FYN: variants seen among roughly 807,000 people sequenced by gnomAD.
FYN encodes tyrosine-protein kinase Fyn.
Under a neutral mutation model 70.2 loss-of-function variants are expected in FYN, and 10 were observed. The ratio of observed to expected loss-of-function variants is 0.14; its 90% CI spans 0.09 to 0.24. FYN has a LOEUF of 0.24. FYN is among the 10% of genes least tolerant of loss of function. The pLI is 1.00. For synonymous variants in FYN, 236 were observed against 248.6 expected (o/e 0.95, Z 0.48); for missense variants, 319 against 673.1 (o/e 0.47, Z 5.82).
intron 2 of FYN, chr6:111,818,473 G>C (rs1772557707): frequency 6.6e-6 from 1 of 152,208 alleles, no homozygotes; most frequent in Non-Finnish European, 1.5e-5. Context: ...TGAGCTCTGA[G>C]TTATGTTTTC....
intron 1 of FYN, among the ~76,000 whole-genome samples, chr6:111,856,811 T>C (rs1773834499): frequency 6.6e-6 from 1 of 152,056 alleles, no homozygotes; most frequent in African/African-American, 2.4e-5. Flanking sequence ...GTCACAATAA[T>C]TTTCTGGTGA....
intron 12 of FYN, among the ~76,000 whole-genome samples, chr6:111,693,808 G>A (rs1799456107): frequency 6.6e-6 from 1 of 152,080 alleles, no homozygotes; most frequent in African/African-American, 2.4e-5. Context: ...ACCCAGAAGT[G>A]GGCTAGAGTG....
intron 12 of FYN, among the ~76,000 whole-genome samples, chr6:111,676,714 T>A (rs1414055103): frequency 2.0e-5 from 3 of 152,224 alleles, no homozygotes; most frequent in African/African-American, 4.8e-5. Flanking sequence ...TCTCTGACCA[T>A]CTCTGAAGTA....
At chr6:111,680,627 C>A (rs1364759024) in intron 12 of FYN, among the ~76,000 whole-genome samples, 2 of 152,180 alleles carry the variant, frequency 1.3e-5, no homozygotes, top group South Asian at 2.1e-4. Flanking sequence ...TCAAAAGCAT[C>A]GTGACATTTC....
Position 111,738,819 on chromosome 6 carries a change from G to C in FYN, c.-11-18757C>G, listed in dbSNP as rs1374107135. 3.9e-5 allele frequency among the ~76,000 whole-genome samples: 6 copies of C among 152,184 alleles called. No individual in the cohort carries two copies. In the East Asian group the frequency reaches 7.7e-4, roughly 20 times the overall value. On this transcript the variant is annotated intron_variant, in intron 3 of 13. Transcript: ENST00000354650. ...ACACTGAGGGGTGAGCCCTGTGAAG[G>C]CTGGCCTTTATTAAGCAATACTTTC...
chr6:111,840,914 T>C (rs1275383620), intron 2 of FYN, among the ~76,000 whole-genome samples: 2 of 152,228 alleles, frequency 1.3e-5, no homozygotes, highest in African/African-American at 2.4e-5. Context: ...AAACAAATTA[T>C]GCAGTATCTC....
At chr6:111,769,483 G>T (rs1207179876) in intron 3 of FYN, among the ~76,000 whole-genome samples, 1 of 152,124 alleles carries the variant, frequency 6.6e-6, no homozygotes, top group Non-Finnish European at 1.5e-5. Context: ...ACATTTAGTG[G>T]AAATGGAATC....
intron 2 of FYN, among the ~76,000 whole-genome samples, chr6:111,830,265 G>A (rs1772973717): frequency 6.6e-6 from 1 of 152,304 alleles, no homozygotes; most frequent in South Asian, 2.1e-4. Context: ...CAGCAGTACA[G>A]GAAGATGGGA....
intron 1 of FYN, among the ~76,000 whole-genome samples, chr6:111,860,012 T>C (rs554480969): frequency 6.6e-6 from 1 of 151,996 alleles, no homozygotes; most frequent in Admixed American, 6.5e-5. Context: ...TGTAGTGACA[T>C]GCCTACAAAG....
chr6:111,773,638 A>AGGGAAAGGGGGGGGGAGGAGGGGGGGG (rs1803589399), intron 3 of FYN, among the ~76,000 whole-genome samples: 1 of 15,220 alleles, frequency 6.6e-5, no homozygotes, highest in Non-Finnish European at 1.1e-4. Flanking sequence ...GGAGAGGGGG[A>AGGGAAAGGGGGGGGGAGGAGGGGGGGG]GGGGGAGGGA....
At chr6:111,860,853 T>C (rs1178446204) in intron 1 of FYN, among the ~76,000 whole-genome samples, 1 of 152,218 alleles carries the variant, frequency 6.6e-6, no homozygotes, top group African/African-American at 2.4e-5. Context: ...ATCAAGAATC[T>C]GTTGAATAAT....
chr6:111,687,381 T>C (rs145848036), intron 12 of FYN, among the ~76,000 whole-genome samples: 1 of 152,340 alleles, frequency 6.6e-6, no homozygotes, highest in African/African-American at 2.4e-5. Flanking sequence ...AAGACCCGAA[T>C]GTTCCTATTT....
chr6:111,832,242 C>T (rs993031925), intron 2 of FYN, among the ~76,000 whole-genome samples: 1 of 152,108 alleles, frequency 6.6e-6, no homozygotes, highest in Non-Finnish European at 1.5e-5. Context: ...GGGATAGCGC[C>T]GAAGGACTGG....
intron 3 of FYN, among the ~76,000 whole-genome samples, chr6:111,730,206 G>A (rs1356091154): frequency 1.3e-5 from 2 of 152,210 alleles, no homozygotes; most frequent in African/African-American, 4.8e-5. Flanking sequence ...TGGGCGGTGA[G>A]TGCACAGCAA....
chr6:111,851,948 A>G (rs1359627261), intron 1 of FYN, among the ~76,000 whole-genome samples: 6 of 149,378 alleles, frequency 4.0e-5, no homozygotes, highest in Non-Finnish European at 8.9e-5. Context: ...ATACTGTCCT[A>G]TTTAAAAGTG....
chr6:111,854,352 T>C (rs753075051), intron 1 of FYN, among the ~76,000 whole-genome samples: 1 of 152,160 alleles, frequency 6.6e-6, no homozygotes, highest in Non-Finnish European at 1.5e-5. Context: ...ATGCTCACCA[T>C]AAAACAAAGA....
chr6:111,684,960 C>T (rs774545090), intron 12 of FYN, among the ~76,000 whole-genome samples: 1 of 151,940 alleles, frequency 6.6e-6, no homozygotes, highest in African/African-American at 2.4e-5. Context: ...TTCCGAAGAG[C>T]CAGAAAGGAA....
chr6:111,761,100 G>A (rs1802989309), intron 3 of FYN, among the ~76,000 whole-genome samples: 1 of 152,258 alleles, frequency 6.6e-6, no homozygotes, highest in African/African-American at 2.4e-5. Flanking sequence ...CAGTGGCAGG[G>A]ACAGGGCCTG....
rs908256724 is a variant in FYN at position 111,822,626 on chromosome 6, T to C, written c.-82+23963A>G. Among the ~76,000 whole-genome samples the C allele has an allele frequency of 3.3e-5, 5 of 150,504 alleles. 1 individual carries two copies. Among genetic ancestry groups the C allele is most frequent in the Admixed American group, 1.3e-4 (2 of 15,096 alleles). ...CACATGTACCCTAGAACTTAAAGTA[T>C]TATATATATATATAAAATTTAAAAA... On this transcript the variant is annotated intron_variant, in intron 2 of 13. Transcript: ENST00000354650.
Sources: gnomAD v4.1 joint callset for allele counts (sites outside exome capture counted in the v4.1 genomes callset) on GRCh38, gnomAD v4.1.1 for gene constraint, MANE v1.5 for transcripts, NCBI Gene and HGNC (gene_info 2026-07-23, HGNC 2026-07-21) for gene names.